MESD: variants seen among roughly 807,000 people sequenced by gnomAD.
The protein encoded by MESD is LRP chaperone MESD.
Under a neutral mutation model 12.9 loss-of-function variants are expected in MESD, and 7 were observed. That is an observed-to-expected ratio of 0.54 (90% CI 0.31 to 1.02). MESD has a LOEUF of 1.02. Among genes scored for constraint, MESD ranks in the 50% least tolerant of loss-of-function variants. MESD has a pLI of 0.05. For missense variants in MESD, 342 were observed against 296.7 expected, an observed-to-expected ratio of 1.15 and a Z score of -1.12; for synonymous variants, 126 against 115.6, an observed-to-expected ratio of 1.09 and a Z score of -0.58.
At chr15:80,955,472 G>A (rs1208310724) in intron 3 of MESD, among the ~76,000 whole-genome samples, 8 of 133,676 alleles carry the variant, frequency 6.0e-5, no homozygotes, top group East Asian at 2.2e-4. Flanking sequence ...CCTGGGCGAC[G>A]GAGAGACTCC....
intron 3 of MESD, among the ~76,000 whole-genome samples, chr15:80,955,551 T>C (rs1901958671): frequency 6.6e-6 from 1 of 151,054 alleles, no homozygotes; most frequent in Admixed American, 6.6e-5. Flanking sequence ...AATCAGAATC[T>C]GCATTTTAAG....
chr15:80,988,004 A>G (rs929831531), intron 1 of MESD, among the ~76,000 whole-genome samples: 1 of 152,220 alleles, frequency 6.6e-6, no homozygotes, highest in Non-Finnish European at 1.5e-5. Context: ...AGTCCTGTTA[A>G]AAGTATAAAA....
chr15:80,951,686 T>C (rs1413871732), intron 4 of MESD: 1 of 152,604 alleles, frequency 6.6e-6, no homozygotes, highest in Non-Finnish European at 1.5e-5. Context: ...TTGCATTGCT[T>C]GGAAGGGGTG....
chr15:80,985,519 CG>C (rs1902705836), intron 1 of MESD, among the ~76,000 whole-genome samples: 1 of 151,838 alleles, frequency 6.6e-6, no homozygotes. Flanking sequence ...TCCATAACAT[CG>C]GTTATAGTCT....
chr15:80,969,857 A>G (rs1291333474), intron 3 of MESD, among the ~76,000 whole-genome samples: 6 of 152,174 alleles, frequency 3.9e-5, no homozygotes, highest in Non-Finnish European at 8.8e-5. Context: ...TCTGTCTTAA[A>G]AAACAACAAC....
downstream of MESD, among the ~76,000 whole-genome samples, chr15:80,974,468 T>C (rs556583068): frequency 3.3e-5 from 5 of 152,120 alleles, no homozygotes; most frequent in Non-Finnish European, 5.9e-5. Context: ...GGGGAAAATA[T>C]AACCCAAGGT....
rs1902470227 is a variant in MESD, at chr15:80,978,177, T to C, written c.*1042A>G. 1.3e-5 allele frequency: 2 copies of C among 152,212 alleles called. No individual in the cohort carries two copies. The highest frequency in any genetic ancestry group is 6.5e-5 in the Admixed American group (1 of 15,284). The allele number at this position is 152,212 out of a possible 1,614,324, so 9.4% of individuals were successfully genotyped here. On this transcript the variant is annotated 3_prime_UTR_variant, in exon 3 of 3. Transcript: ENST00000261758. Reference sequence around the variant, plus strand: ...GGATACACTTTTCACTTTGTACCATTCTTTAACACTGACATTTTCTAACCA... The same window carrying C: ...GGATACACTTTTCACTTTGTACCATCCTTTAACACTGACATTTTCTAACCA...
At chr15:80,971,421 G>A (rs1379916340), downstream of MESD, among the ~76,000 whole-genome samples, 1 of 152,104 alleles carries the variant, frequency 6.6e-6, no homozygotes, top group African/African-American at 2.4e-5. Context: ...CCTTGACCTT[G>A]GACTGCTGAG....
intron 1 of MESD, among the ~76,000 whole-genome samples, chr15:80,983,676 A>T (rs145942487): frequency 6.6e-6 from 1 of 152,172 alleles, no homozygotes; most frequent in Non-Finnish European, 1.5e-5. Context: ...AGATGAGCCT[A>T]GAATAATCCC....
rs181825509 is a variant in MESD, at chr15:80,981,677, G to A, written c.446+273C>T. Among the ~76,000 whole-genome samples the A allele has an allele frequency of 3.2e-3, 488 of 151,858 alleles. 11 individuals are homozygous for A. The East Asian group carries it at 0.066, about 21-fold the overall frequency. ...TCAAGACCAGCCTGGCCAACATGGT[G>A]AAACCCTGTCTCTACTAAAAATACA... On this transcript the variant is annotated intron_variant, in intron 2 of 2. Coordinates refer to ENST00000261758, the MANE Select transcript of MESD (RefSeq NM_015154.3).
intron 2 of MESD, 124 bp from the exon 3 acceptor site, chr15:80,979,601 A>G: frequency 8.3e-7 from 1 of 1,204,846 alleles, no homozygotes; most frequent in Non-Finnish European, 1.1e-6. Flanking sequence ...GAAAAATTGG[A>G]TTTTCCAAAG....
chr15:80,962,103 G>A (rs78240935), intron 3 of MESD, among the ~76,000 whole-genome samples: 209 of 152,266 alleles, frequency 1.4e-3, no homozygotes, highest in African/African-American at 4.5e-3. Flanking sequence ...CCCATCTCAC[G>A]TGCAGAGATG....
chr15:80,946,917 C>A, downstream of MESD: 1 of 1,318,546 alleles, frequency 7.6e-7, no homozygotes, highest in Non-Finnish European at 1.1e-6. Context: ...TGCCCACTTT[C>A]TCCAGTTTGC....
chr15:80,986,621 C>A (rs1364358833), intron 1 of MESD, among the ~76,000 whole-genome samples: 8 of 152,192 alleles, frequency 5.3e-5, no homozygotes, highest in African/African-American at 1.7e-4. Flanking sequence ...GGTAACCTAA[C>A]CTGTTATGAT....
chr15:80,973,250 C>G (rs1448771395), downstream of MESD, among the ~76,000 whole-genome samples: 3 of 152,064 alleles, frequency 2.0e-5, no homozygotes, highest in Non-Finnish European at 4.4e-5. Context: ...CATTGCTGTG[C>G]TATTATTTTA....
chr15:80,963,215 A>G (rs1347355736), intron 3 of MESD, among the ~76,000 whole-genome samples: 1 of 152,252 alleles, frequency 6.6e-6, no homozygotes, highest in Non-Finnish European at 1.5e-5. Context: ...ATGCAAATAA[A>G]CTAGAAAATC....
At position 80,978,431 on chromosome 15, in the gene MESD, T is replaced by C. The variant is rs2141808026; in HGVS notation, c.*788A>G. The stretch of plus-strand genomic sequence containing the variant: ...AAATGTTTAGAAACAAATGAGGTTA[T>C]TGAGTCGTCTGTCACACTCTGCAAA... On this transcript the variant is annotated 3_prime_UTR_variant, in exon 3 of 3. Transcript: ENST00000261758. 1 of 152,336 alleles carries C rather than the reference T, an allele frequency of 6.6e-6. No homozygotes were observed. Among genetic ancestry groups the C allele is most frequent in the South Asian group, 2.1e-4 (1 of 4,824 alleles). The allele number at this position is 152,336 out of a possible 1,614,324, so 9.4% of individuals were successfully genotyped here. A position where few individuals can be genotyped will look rare whatever the true frequency, so the allele number is the denominator to read the frequency against.
At chr15:80,975,578 T>C (rs771104884), downstream of MESD, among the ~76,000 whole-genome samples, 11 of 152,026 alleles carry the variant, frequency 7.2e-5, no homozygotes, top group Non-Finnish European at 1.2e-4. Flanking sequence ...TGTGAGTTCC[T>C]TTCCCTTGTT....
chr15:80,988,514 G>A (rs998387377), intron 1 of MESD, among the ~76,000 whole-genome samples: 1 of 152,240 alleles, frequency 6.6e-6, no homozygotes, highest in Non-Finnish European at 1.5e-5. Flanking sequence ...TTGCAAGGGA[G>A]ACGGTGAATG....
Sources: gnomAD v4.1 joint callset for allele counts (sites outside exome capture counted in the v4.1 genomes callset) on GRCh38, gnomAD v4.1.1 for gene constraint, MANE v1.5 for transcripts, NCBI Gene and HGNC (gene_info 2026-07-23, HGNC 2026-07-21) for gene names.